Variants in EIF4G1 observed in about 807,000 individuals in gnomAD.
EIF4G1 encodes eukaryotic translation initiation factor 4 gamma 1.
EIF4G1 carries 4 observed loss-of-function variants against 187.8 expected under a neutral mutation model. The ratio of observed to expected loss-of-function variants is 0.02; its 90% CI spans 0.01 to 0.05. The LOEUF is 0.05. EIF4G1 is among the 10% of genes least tolerant of loss of function. The pLI is 1.00. For synonymous variants in EIF4G1, 844 were observed against 781.4 expected, an observed-to-expected ratio of 1.08 and a Z score of -1.34; for missense variants, 1,647 against 2,081.1, an observed-to-expected ratio of 0.79 and a Z score of 4.06.
intron 4 of EIF4G1, among the ~76,000 whole-genome samples, 155 bp from the exon 5 acceptor site, chr3:184,317,166 G>A (rs770666541): frequency 9.9e-5 from 15 of 152,196 alleles, no homozygotes; most frequent in African/African-American, 2.7e-4. Flanking sequence ...ACAAGAAGCC[G>A]CTTAGCCATT....
At position 184,323,806 on chromosome 3, in the gene EIF4G1, C is replaced by T. The variant is rs1724358946; in HGVS notation, c.2301C>T (p.Ile767=). Reference sequence around the variant, plus strand: ...ACCTATTCCGCAGGGTGCGCTCCATCCTGAATAAACTGACACCCCAGATGT... The same window carrying T: ...ACCTATTCCGCAGGGTGCGCTCCATTCTGAATAAACTGACACCCCAGATGT... ...TQDLFRRVRS[I]LNKLTPQMFQ... Residue 767 remains isoleucine (I), a synonymous_variant, in exon 16 of 33, where the codon ATC becomes ATT. Transcript: ENST00000346169. The surrounding 1 kb of genome is among the most constrained non-coding windows in gnomAD (Gnocchi z 6.9). 6.2e-7 allele frequency: 1 copy of T among 1,614,106 alleles called. No homozygotes were observed.
At chr3:184,314,824 G>C (rs1722419590) in intron 1 of EIF4G1, 150 bp downstream of exon 1, 3 of 147,772 alleles carry the variant, frequency 2.0e-5, no homozygotes, top group African/African-American at 7.4e-5. Context: ...CCAGGGTCCC[G>C]ATCCCCGGCC....
intron 4 of EIF4G1, among the ~76,000 whole-genome samples, chr3:184,316,524 A>T (rs1358016172): frequency 6.6e-6 from 1 of 151,814 alleles, no homozygotes; most frequent in Admixed American, 6.5e-5. Flanking sequence ...CTATTGCTCT[A>T]TTGCTCTCTC....
At chr3:184,328,034 T>TACAGACCC in intron 26 of EIF4G1, 32 bp downstream of exon 26, 1 of 1,598,414 alleles carries the variant, frequency 6.3e-7, no homozygotes, top group Non-Finnish European at 8.5e-7. Flanking sequence ...CTCCCACTTA[T>TACAGACCC]ACAGACCCAC....
Position 184,321,411 on chromosome 3 carries a change from C to G in EIF4G1, c.827C>G (p.Ser276Cys). 1 of 1,614,186 alleles carries G rather than the reference C, an allele frequency of 6.2e-7. No individual in the cohort carries two copies. The highest frequency in any genetic ancestry group is 8.5e-7 in the Non-Finnish European group (1 of 1,180,046). Residue 276 changes from serine (S) to cysteine (C), a missense_variant, in exon 10 of 33, where the codon TCT (serine) becomes TGT (cysteine). Ser to Cys is a moderately radical substitution (Grantham distance 112). Around this residue, in one of 11 missense-constraint regions of EIF4G1, gnomAD observed 522 missense variants for 485.2 expected, o/e 1.08. Transcript: ENST00000346169. ...CCATCCCCAGTCTTGGAACCGGGGT[C>G]TGAGCCTAATCTCGCAGTCCTCTCT... ...PSPSPVLEPG[S>C]EPNLAVLSIP...
intron 6 of EIF4G1, among the ~76,000 whole-genome samples, chr3:184,318,793 T>G (rs1723240690): frequency 6.6e-6 from 1 of 150,802 alleles, no homozygotes; most frequent in South Asian, 2.1e-4. Flanking sequence ...TTAGTAGAGA[T>G]GGTGTTTCAT....
chr3:184,320,793 T>C, intron 8 of EIF4G1, 71 bp downstream of exon 8: 3 of 1,610,924 alleles, frequency 1.9e-6, no homozygotes, highest in Non-Finnish European at 2.5e-6. Context: ...AGTCCCTGGA[T>C]CTTTTCTTTC....
At chr3:184,320,891 T>C (rs377491887) in intron 8 of EIF4G1, 36 bp from the exon 9 acceptor site, 19 of 1,613,914 alleles carry the variant, frequency 1.2e-5, no homozygotes, top group Non-Finnish European at 1.6e-5. Context: ...TGTGGGACTC[T>C]TCAGTGCAAA....
chr3:184,319,535 A>C, intron 6 of EIF4G1, 154 bp from the exon 7 acceptor site: 1 of 658,546 alleles, frequency 1.5e-6, no homozygotes, highest in Non-Finnish European at 2.8e-6. Context: ...TTTGACAGAC[A>C]CCTAATTCCC....
chr3:184,316,649 A>C, intron 4 of EIF4G1: 2 of 1,497,628 alleles, frequency 1.3e-6, no homozygotes, highest in South Asian at 1.2e-5. Context: ...TATTGCCTTC[A>C]TTCCCTCCCC....
In EIF4G1 at chr3:184,315,519, AC is replaced by A; in HGVS notation, c.-59del. On this transcript the variant is annotated 5_prime_UTR_variant, in exon 2 of 33. An upstream open reading frame in the 5' UTR gains an earlier in-frame stop. Coordinates refer to ENST00000346169, the MANE Select transcript of EIF4G1 (RefSeq NM_198241.3). ...CGGATGCCCAGAACCTGTAGGCCGCACCGTGGACTTGTTCTTAATCGAGGGG... is the reference window on the plus strand; with the variant it reads ...CGGATGCCCAGAACCTGTAGGCCGCACGTGGACTTGTTCTTAATCGAGGGG... 1.4e-6 allele frequency: 1 copy of A among 711,592 alleles called. No homozygotes were observed. The allele number at this position is 711,592 out of a possible 1,614,324, so 44.1% of individuals were successfully genotyped here.
intron 28 of EIF4G1, chr3:184,329,237 A>G (rs755036165): frequency 1.5e-5 from 8 of 538,790 alleles, no homozygotes; most frequent in Non-Finnish European, 2.7e-5. Context: ...GCATTTATTT[A>G]TTCATTCATT....
chr3:184,325,771 AGGGAGGCTGG>A lies in EIF4G1; in HGVS notation c.3122-76_3122-67del, dbSNP rs1560221575. The A allele has an allele frequency of 6.2e-7, 1 of 1,611,514 alleles. No homozygotes were observed. The highest frequency in any genetic ancestry group is 1.7e-5 in the Admixed American group (1 of 60,004). ...CATGATGGAACTGAGGATCTGAGGAAGGGAGGCTGGGGGTGGCCCAAGGGGAAGGGGCTGC... is the reference window on the plus strand; with the variant it reads ...CATGATGGAACTGAGGATCTGAGGAAGGGTGGCCCAAGGGGAAGGGGCTGC... On this transcript the variant is annotated intron_variant, in intron 20 of 32. Coordinates refer to ENST00000346169, the MANE Select transcript of EIF4G1 (RefSeq NM_198241.3). This position sits in a 1 kb window ranked among gnomAD's most constrained non-coding sequence, Gnocchi z 5.2.
chr3:184,327,574 C>A lies in EIF4G1; in HGVS notation c.3662-12C>A. On this transcript the variant is annotated splice_polypyrimidine_tract_variant and intron_variant, in intron 24 of 32. Coordinates refer to ENST00000346169, the MANE Select transcript of EIF4G1 (RefSeq NM_198241.3). Reference sequence around the variant, plus strand: ...CTGAAAAGTCCCTCTAATCTGTGTTCTCTTCCCACAGTGAAGCGAGAAGCT... The same window carrying A: ...CTGAAAAGTCCCTCTAATCTGTGTTATCTTCCCACAGTGAAGCGAGAAGCT... 2 of 1,613,838 alleles carry A rather than the reference C, an allele frequency of 1.2e-6. No individual in the cohort carries two copies. Among genetic ancestry groups the A allele is most frequent in the Non-Finnish European group, 1.7e-6 (2 of 1,179,696 alleles).
Position 184,325,226 on chromosome 3 carries a change from G to A in EIF4G1, c.2857-43G>A, listed in dbSNP as rs779127771. 1 of 1,610,146 alleles carries A rather than the reference G, an allele frequency of 6.2e-7. No homozygotes were observed. The highest frequency in any genetic ancestry group is 8.5e-7 in the Non-Finnish European group (1 of 1,176,452). ...AGGGGTGGGGCCTGCAGTTATAGGT[G>A]GGACATGAGAAGTTCCTGGTCTGAT... On this transcript the variant is annotated intron_variant, in intron 18 of 32. Transcript: ENST00000346169. The surrounding 1 kb of genome is among the most constrained non-coding windows in gnomAD (Gnocchi z 5.2).
intron 28 of EIF4G1, among the ~76,000 whole-genome samples, chr3:184,329,752 G>A (rs1209391632): frequency 6.6e-6 from 1 of 152,216 alleles, no homozygotes; most frequent in Non-Finnish European, 1.5e-5. Context: ...CAATATTTGT[G>A]ACAGGAGGCT....
At chr3:184,328,824 G>A (rs115910779) in intron 27 of EIF4G1, 68 bp downstream of exon 27, 31,713 of 1,614,108 alleles carry the variant, frequency 0.02, 382 homozygotes, top group Non-Finnish European at 0.023. Flanking sequence ...AAATGGCTGG[G>A]TTGGATACCC....
At chr3:184,317,615 C>A in intron 5 of EIF4G1, 102 bp from the exon 6 acceptor site, 1 of 1,535,176 alleles carries the variant, frequency 6.5e-7, no homozygotes, top group Non-Finnish European at 9.0e-7. Flanking sequence ...GGTCATTGCC[C>A]AGAGTTGGCT....
intron 21 of EIF4G1, 139 bp downstream of exon 21, chr3:184,326,090 T>A (rs991257682): frequency 1.3e-5 from 11 of 865,738 alleles, no homozygotes; most frequent in Non-Finnish European, 2.1e-5. Context: ...GACTGCCAGC[T>A]GTAGAGGGAG....
Sources: gnomAD v4.1 joint callset for allele counts (sites outside exome capture counted in the v4.1 genomes callset) on GRCh38, gnomAD v4.1.1 for gene constraint, gnomAD v4.1.1 regional missense constraint, Gnocchi (gnomAD v3.1) non-coding constraint, MANE v1.5 for transcripts, NCBI Gene and HGNC (gene_info 2026-07-23, HGNC 2026-07-21) for gene names.